Variants in TK1 observed in about 807,000 individuals in gnomAD.
TK1 encodes thymidine kinase 1, also known as thymidine kinase, cytosolic.
Under a neutral mutation model 22.4 loss-of-function variants are expected in TK1, and 13 were observed. The observed-to-expected ratio is 0.58, with a 90% CI of 0.38 to 0.92. TK1 has a LOEUF of 0.92. Among genes scored for constraint, TK1 ranks in the 40% least tolerant of loss-of-function variants. The pLI is 0.00. For synonymous variants in TK1, 134 were observed against 125.4 expected (o/e 1.07, Z -0.46); for missense variants, 251 against 315.7 (o/e 0.80, Z 1.55).
In TK1 at chr17:78,186,806, GC is replaced by G. The variant is rs778854550; in HGVS notation, c.78del (p.Pro27ArgfsTer10). ...KTRGQIQVIL[G>X]PMFSGKSTEL... ...CATTACCTTTTTCCTGAGAACATCG[GC>G]CCGAGAATCACCTAGGAGAGAAGGT... On this transcript the variant is annotated frameshift_variant, in exon 2 of 7. Transcript: ENST00000301634. LOFTEE classifies it high-confidence loss of function. 3.2e-6 allele frequency: 5 copies of G among 1,585,936 alleles called. No homozygotes were observed. In the African/African-American group the frequency reaches 4.1e-5, roughly 13 times the overall value.
At chr17:78,183,549 G>T (rs72898266) in intron 3 of TK1, among the ~76,000 whole-genome samples, 4,695 of 152,048 alleles carry the variant, frequency 0.031, 236 homozygotes, top group East Asian at 0.24. Context: ...AAATTAACTG[G>T]GTGTGGTGGT....
chr17:78,180,163 C>T (rs895924868), intron 4 of TK1, among the ~76,000 whole-genome samples: 2 of 152,220 alleles, frequency 1.3e-5, no homozygotes, highest in African/African-American at 2.4e-5. Flanking sequence ...GCAGAAGTGA[C>T]GTTTGCAGCT....
Position 78,186,940 on chromosome 17 carries a change from C to T in TK1, c.55G>A (p.Gly19Arg), listed in dbSNP as rs1396700072. 2 of 1,571,244 alleles carry T rather than the reference C, an allele frequency of 1.3e-6. No homozygotes were observed. The highest frequency in any genetic ancestry group is 8.6e-7 in the Non-Finnish European group (1 of 1,158,482). Reference sequence around the variant, plus strand: ...GCTGGCCCCCGCACCTGGATCTGCCCCCGGGTCTTGCTGGGGGAGCCAGGC... The same window carrying T: ...GCTGGCCCCCGCACCTGGATCTGCCTCCGGGTCTTGCTGGGGGAGCCAGGC... ...VLPGSPSKTR[G>R]QIQVILGPMF... The change falls in exon 1 of 7, where the codon GGG (glycine) becomes AGG (arginine). Residue 19 changes from glycine to arginine, a missense_variant. Physicochemically the swap from Gly to Arg is moderately radical, Grantham distance 125. Coordinates refer to ENST00000301634, the MANE Select transcript of TK1 (RefSeq NM_003258.5).
intron 3 of TK1, chr17:78,183,801 A>G (rs1203760328): frequency 6.6e-6 from 1 of 152,248 alleles, no homozygotes; most frequent in African/African-American, 2.4e-5. Context: ...GTGAAACAGT[A>G]TTTTGGGCAT....
At chr17:78,183,276 A>C (rs1176153517) in intron 3 of TK1, among the ~76,000 whole-genome samples, 4 of 152,248 alleles carry the variant, frequency 2.6e-5, no homozygotes, top group African/African-American at 9.6e-5. Flanking sequence ...ATCAGGTACC[A>C]GGGCCCATGA....
chr17:78,174,719 G>C lies in TK1; in HGVS notation c.*40C>G, dbSNP rs528150626. 6.5e-7 allele frequency: 1 copy of C among 1,534,848 alleles called. No individual in the cohort carries two copies. The highest frequency in any genetic ancestry group is 1.3e-5 in the South Asian group (1 of 79,790). On this transcript the variant is annotated 3_prime_UTR_variant, in exon 7 of 7. Transcript: ENST00000301634. ...GCATGCAGGGCAGCGTCCAGTAGGCGGCAGTGGCAGGAAGGGAGCGGGCGG... is the reference window on the plus strand; with the variant it reads ...GCATGCAGGGCAGCGTCCAGTAGGCCGCAGTGGCAGGAAGGGAGCGGGCGG...
chr17:78,177,575 A>AT (rs148116384), intron 4 of TK1, among the ~76,000 whole-genome samples: 4,077 of 143,652 alleles, frequency 0.028, 160 homozygotes, highest in African/African-American at 0.091. Context: ...AAAAAGGTCT[A>AT]TTTTTTTTTT....
intron 3 of TK1, 67 bp from the exon 4 acceptor site, chr17:78,182,749 G>T: frequency 1.6e-6 from 2 of 1,278,604 alleles, no homozygotes; most frequent in African/African-American, 1.5e-5. Context: ...AGGGGCCAGG[G>T]AATGGCACTG....
chr17:78,175,397 C>A, intron 5 of TK1, 132 bp downstream of exon 5: 1 of 1,103,882 alleles, frequency 9.1e-7, no homozygotes, highest in Non-Finnish European at 1.3e-6. Flanking sequence ...TTGGCTCAGC[C>A]AAGGCCTGAG....
chr17:78,185,356 T>C (rs757734568), intron 2 of TK1, among the ~76,000 whole-genome samples, 191 bp from the exon 3 acceptor site: 2 of 151,958 alleles, frequency 1.3e-5, no homozygotes, highest in Non-Finnish European at 2.9e-5. Flanking sequence ...CAGAATTCTC[T>C]ATGGGGAAGA....
chr17:78,183,746 G>T (rs939469362), intron 3 of TK1: 3 of 152,200 alleles, frequency 2.0e-5, no homozygotes. Flanking sequence ...CTATTGTTTC[G>T]TTATTACCTT....
chr17:78,174,609 G>A lies in TK1; in HGVS notation c.*150C>T. 1.2e-6 allele frequency: 1 copy of A among 845,908 alleles called. No individual in the cohort carries two copies. The highest frequency in any genetic ancestry group is 1.8e-6 in the Non-Finnish European group (1 of 562,162). The allele number at this position is 845,908 out of a possible 1,614,324, so 52.4% of individuals were successfully genotyped here. ...AGAGGAGGGAGCATGCGGCAGGTGGGGCAGCCACACAAAGGAGAGTTCCCA... is the reference window on the plus strand; with the variant it reads ...AGAGGAGGGAGCATGCGGCAGGTGGAGCAGCCACACAAAGGAGAGTTCCCA... On this transcript the variant is annotated 3_prime_UTR_variant, in exon 7 of 7. Coordinates refer to ENST00000301634, the MANE Select transcript of TK1 (RefSeq NM_003258.5).
At chr17:78,176,631 C>T (rs2075701957) in intron 4 of TK1, among the ~76,000 whole-genome samples, 1 of 152,130 alleles carries the variant, frequency 6.6e-6, no homozygotes, top group African/African-American at 2.4e-5. Context: ...GCACTCGTTC[C>T]CTCTTTTTCT....
intron 4 of TK1, among the ~76,000 whole-genome samples, chr17:78,176,363 T>A (rs2075699799): frequency 6.6e-6 from 1 of 151,978 alleles, no homozygotes; most frequent in Admixed American, 6.6e-5. Context: ...GGCCTTTGGG[T>A]TGGGTGAAGC....
At chr17:78,180,404 A>T (rs1337041385) in intron 4 of TK1, among the ~76,000 whole-genome samples, 2 of 152,244 alleles carry the variant, frequency 1.3e-5, no homozygotes, top group East Asian at 3.8e-4. Context: ...CTAAGAGGTC[A>T]AGTCTGCTAA....
At chr17:78,179,846 G>A (rs917195710) in intron 4 of TK1, 1 of 698,364 alleles carries the variant, frequency 1.4e-6, no homozygotes, top group African/African-American at 2.0e-5. Flanking sequence ...GAGGCAGGCA[G>A]ATCACCTGAG....
At chr17:78,175,918 T>G (rs1246066577) in intron 4 of TK1, among the ~76,000 whole-genome samples, 6 of 152,086 alleles carry the variant, frequency 3.9e-5, no homozygotes, top group African/African-American at 1.4e-4. Context: ...AACACTGCAG[T>G]GGCCAAAGGC....
At position 78,179,086 on chromosome 17, in the gene TK1, G is replaced by A. The variant is rs902984783; in HGVS notation, c.304-3468C>T. On this transcript the variant is annotated intron_variant, in intron 4 of 6. Coordinates refer to ENST00000301634, the MANE Select transcript of TK1 (RefSeq NM_003258.5). ...GATGTCGAGGAAGGAGAAGGGAAAG[G>A]TTTCTGCCTCGGGGGTCTGGGTCAG... 9.0e-6 allele frequency: 8 copies of A among 891,798 alleles called. No individual in the cohort carries two copies. The African/African-American group carries it at 1.1e-4, about 12-fold the overall frequency. The allele number at this position is 891,798 out of a possible 1,614,324, so 55.2% of individuals were successfully genotyped here.
Position 78,174,645 on chromosome 17 carries a change from G to A in TK1, c.*114C>T. 1 of 1,227,964 alleles carries A rather than the reference G, an allele frequency of 8.1e-7. No homozygotes were observed. The highest frequency in any genetic ancestry group is 2.7e-5 in the Admixed American group (1 of 36,394). 76.1% of individuals were successfully genotyped at this position (1,227,964 alleles called of 1,614,324 possible). ...AAAGGAGAGTTCCCAGAAGGCCAAG[G>A]TGTGGTCACCCTCCACGCCTCCCGA... On this transcript the variant is annotated 3_prime_UTR_variant, in exon 7 of 7. Coordinates refer to ENST00000301634, the MANE Select transcript of TK1 (RefSeq NM_003258.5).
Sources: allele counts gnomAD v4.1 joint callset (sites outside exome capture counted in the v4.1 genomes callset), GRCh38; gene constraint gnomAD v4.1.1; transcripts MANE v1.5; gene names NCBI Gene and HGNC (gene_info 2026-07-23, HGNC 2026-07-21).